TLK1: variants seen among roughly 807,000 people sequenced by gnomAD.
TLK1 encodes tousled like kinase 1.
In TLK1, 24 loss-of-function variants were observed where a neutral mutation model predicts 105.3. The ratio of observed to expected loss-of-function variants is 0.23; its 90% CI spans 0.17 to 0.32. The LOEUF (loss-of-function observed/expected upper bound fraction) is 0.32, where lower values mean the gene tolerates loss of function less well. Among genes scored for constraint, TLK1 ranks in the 10% least tolerant of loss-of-function variants. The pLI, the probability that TLK1 is intolerant of heterozygous loss-of-function variation, is 1.00. For synonymous variants in TLK1, 321 were observed against 310.4 expected (o/e 1.03, Z -0.36); for missense variants, 558 against 910.5 (o/e 0.61, Z 4.98).
intron 2 of TLK1, among the ~76,000 whole-genome samples, chr2:171,089,872 A>C (rs1339889669): frequency 1.3e-5 from 2 of 152,118 alleles, no homozygotes; most frequent in Non-Finnish European, 2.9e-5. Flanking sequence ...AATATTCTTG[A>C]TATCTAGTAG....
At chr2:171,223,269 T>C (rs1693840467) in intron 1 of TLK1, among the ~76,000 whole-genome samples, 1 of 152,204 alleles carries the variant, frequency 6.6e-6, no homozygotes, top group South Asian at 2.1e-4. Context: ...CCACCAACAG[T>C]GTACAAGGAT....
At chr2:171,000,542 G>C (rs142530027) in intron 18 of TLK1, among the ~76,000 whole-genome samples, 1 of 151,832 alleles carries the variant, frequency 6.6e-6, no homozygotes, top group Non-Finnish European at 1.5e-5. Flanking sequence ...AAGAAAAATC[G>C]TAAGAGAAAA....
At chr2:171,128,047 T>G in intron 1 of TLK1, among the ~76,000 whole-genome samples, 1 of 152,278 alleles carries the variant, frequency 6.6e-6, no homozygotes, top group Admixed American at 6.5e-5. Context: ...CTAGAATCAT[T>G]CCAAGTCAGA....
Position 171,014,916 on chromosome 2 carries a change from ACG to A in TLK1, c.1267_1268del (p.Arg423PhefsTer11). 1 of 1,613,994 alleles carries A rather than the reference ACG, an allele frequency of 6.2e-7. No individual in the cohort carries two copies. The highest frequency in any genetic ancestry group is 8.5e-7 in the Non-Finnish European group (1 of 1,179,926). On this transcript the variant is annotated frameshift_variant, in exon 13 of 21. Transcript: ENST00000431350. LOFTEE classifies it high-confidence loss of function. ...EEAEIQAELERLERVRNLHIR... is the reference protein window; with the variant it reads ...EEAEIQAELEXLERVRNLHIR... Reference sequence around the variant, plus strand: ...TGTGAAGATTTCTGACTCTTTCCAAACGTTCAAGTTCTGCCTGGATTTCTGCC... The same window carrying A: ...TGTGAAGATTTCTGACTCTTTCCAAATTCAAGTTCTGCCTGGATTTCTGCC...
chr2:171,170,450 T>A (rs1692706959), intron 1 of TLK1, among the ~76,000 whole-genome samples: 1 of 152,198 alleles, frequency 6.6e-6, no homozygotes, highest in Non-Finnish European at 1.5e-5. Context: ...CCTGGGCACA[T>A]GGGTAAAGTA....
chr2:171,187,016 C>T (rs1412571296), intron 1 of TLK1, among the ~76,000 whole-genome samples: 5 of 133,440 alleles, frequency 3.7e-5, no homozygotes, highest in African/African-American at 1.2e-4. Context: ...CGAGATCATG[C>T]CATTGCACTC....
At chr2:171,028,286 C>T in intron 12 of TLK1, 53 bp downstream of exon 12, 5 of 1,305,596 alleles carry the variant, frequency 3.8e-6, no homozygotes, top group Non-Finnish European at 5.5e-6. Flanking sequence ...ACACAACTTC[C>T]CACAAATTCT....
At chr2:171,021,452 T>A (rs1454878831) in intron 12 of TLK1, among the ~76,000 whole-genome samples, 10 of 12,150 alleles carry the variant, frequency 8.2e-4, no homozygotes, top group Non-Finnish European at 2.3e-3. Context: ...TTTTTTTTTT[T>A]TTTTTTTTTT....
intron 4 of TLK1, 67 bp from the exon 5 acceptor site, chr2:171,058,264 G>A (rs529315693): frequency 1.2e-5 from 16 of 1,368,046 alleles, no homozygotes; most frequent in African/African-American, 1.0e-4. Context: ...TTAAGAGTCC[G>A]CAGGACATCA....
At chr2:171,151,631 C>T (rs1212830758) in intron 1 of TLK1, among the ~76,000 whole-genome samples, 6 of 151,898 alleles carry the variant, frequency 4.0e-5, no homozygotes, top group Admixed American at 2.6e-4. Context: ...CCCACCACCA[C>T]GCCCAGCTAA....
At chr2:171,184,390 C>A (rs1247783069) in intron 1 of TLK1, among the ~76,000 whole-genome samples, 1 of 152,080 alleles carries the variant, frequency 6.6e-6, no homozygotes, top group African/African-American at 2.4e-5. Flanking sequence ...CGCCTGTGAT[C>A]CCAGCATTTT....
At chr2:171,169,228 A>G (rs1321929779) in intron 1 of TLK1, among the ~76,000 whole-genome samples, 1 of 152,200 alleles carries the variant, frequency 6.6e-6, no homozygotes, top group Non-Finnish European at 1.5e-5. Flanking sequence ...AGTAACAATA[A>G]AATTGAAAAT....
chr2:171,206,136 A>G (rs1359540300), intron 1 of TLK1, among the ~76,000 whole-genome samples: 1 of 152,202 alleles, frequency 6.6e-6, no homozygotes, highest in Non-Finnish European at 1.5e-5. Context: ...CACAGAAAGA[A>G]ATTTCAGAGC....
intron 3 of TLK1, among the ~76,000 whole-genome samples, chr2:171,068,017 T>G (rs1392927954): frequency 6.6e-6 from 1 of 151,938 alleles, no homozygotes; most frequent in Admixed American, 6.6e-5. Flanking sequence ...AGAAAAAAAG[T>G]GATCTTTTTT....
intron 1 of TLK1, among the ~76,000 whole-genome samples, chr2:171,126,269 T>A (rs1303256995): frequency 6.6e-6 from 1 of 152,006 alleles, no homozygotes; most frequent in Non-Finnish European, 1.5e-5. Flanking sequence ...TGAAGAAAAA[T>A]TTTAGGGAAC....
chr2:171,185,888 T>C (rs1366189963), intron 1 of TLK1, among the ~76,000 whole-genome samples: 2 of 152,248 alleles, frequency 1.3e-5, no homozygotes, highest in African/African-American at 4.8e-5. Flanking sequence ...TAATAAGAGT[T>C]TGAAAAATAA....
chr2:171,210,329 A>C (rs377022353), intron 1 of TLK1, among the ~76,000 whole-genome samples: 12 of 151,770 alleles, frequency 7.9e-5, no homozygotes, highest in East Asian at 5.8e-4. Context: ...CTAGGCTAGA[A>C]TGCGGCTATA....
chr2:171,161,789 T>A (rs1461755521), upstream of TLK1, among the ~76,000 whole-genome samples: 1 of 152,122 alleles, frequency 6.6e-6, no homozygotes, highest in African/African-American at 2.4e-5. Context: ...TTGCTAAAAT[T>A]TATAGATAGA....
At chr2:171,132,536 C>T (rs762984372) in intron 1 of TLK1, among the ~76,000 whole-genome samples, 8 of 152,170 alleles carry the variant, frequency 5.3e-5, no homozygotes, top group South Asian at 2.1e-4. Context: ...AATAATACAG[C>T]GTAGTGGTAT....
Sources: allele counts gnomAD v4.1 joint callset (sites outside exome capture counted in the v4.1 genomes callset), GRCh38; gene constraint gnomAD v4.1.1; transcripts MANE v1.5; gene names NCBI Gene and HGNC (gene_info 2026-07-23, HGNC 2026-07-21).